GALNT13: variants seen among roughly 807,000 people sequenced by gnomAD.
GALNT13 encodes the protein UDP-GalNAc:polypeptide N-acetylgalactosaminyltransferase 13.
GALNT13 carries 28 observed loss-of-function variants against 64.2 expected under a neutral mutation model. That is an observed-to-expected ratio of 0.44 (90% confidence interval 0.32 to 0.60). GALNT13 has a LOEUF of 0.60. Ranked by LOEUF, GALNT13 falls within the 20% of genes least tolerant of loss-of-function variation. GALNT13 has a pLI of 0.05. For synonymous variants in GALNT13, 214 were observed against 224.6 expected (o/e 0.95, Z 0.42); for missense variants, 577 against 669.8 (o/e 0.86, Z 1.53).
chr2:153,120,262 C>T, the GALNT13 span, among the ~76,000 whole-genome samples: 2 of 152,210 alleles, frequency 1.3e-5, no homozygotes, highest in South Asian at 4.1e-4. Flanking sequence ...GGACCCCACC[C>T]AACTCTTCAC....
intron 8 of GALNT13, among the ~76,000 whole-genome samples, chr2:154,262,423 G>T (rs1690749592): frequency 6.6e-6 from 1 of 152,216 alleles, no homozygotes; most frequent in South Asian, 2.1e-4. Context: ...CCTCTTATAG[G>T]CTATAGCCTC....
the GALNT13 span, among the ~76,000 whole-genome samples, chr2:153,586,206 C>A: frequency 6.6e-6 from 1 of 152,222 alleles, no homozygotes; most frequent in South Asian, 2.1e-4. Flanking sequence ...CATCAATATT[C>A]ACCTTGAATA....
the GALNT13 span, among the ~76,000 whole-genome samples, chr2:153,364,690 A>G: frequency 6.6e-6 from 1 of 152,268 alleles, no homozygotes; most frequent in Admixed American, 6.5e-5. Flanking sequence ...GACATGAAGG[A>G]CCTCTTCAAA....
chr2:153,288,133 C>T, the GALNT13 span, among the ~76,000 whole-genome samples: 1 of 152,120 alleles, frequency 6.6e-6, no homozygotes. Context: ...TAGAATGGAT[C>T]CTAGAGATAG....
the GALNT13 span, among the ~76,000 whole-genome samples, chr2:153,149,863 C>T: frequency 6.6e-6 from 1 of 151,830 alleles, no homozygotes; most frequent in African/African-American, 2.4e-5. Context: ...AGAAAACATT[C>T]TCTCTAGCAG....
chr2:154,070,331 C>T (rs886144715), intron 3 of GALNT13, among the ~76,000 whole-genome samples: 1 of 152,036 alleles, frequency 6.6e-6, no homozygotes, highest in South Asian at 2.1e-4. Flanking sequence ...TCTATAGTTC[C>T]ACATATTATC....
the GALNT13 span, among the ~76,000 whole-genome samples, chr2:153,213,549 G>A: frequency 1.3e-5 from 2 of 152,170 alleles, no homozygotes; most frequent in African/African-American, 4.8e-5. Flanking sequence ...TATTACACCA[G>A]ATGCTGTAAG....
the GALNT13 span, among the ~76,000 whole-genome samples, chr2:153,333,683 G>A: frequency 0.13 from 19,832 of 152,064 alleles, 1,397 homozygotes; most frequent in Middle Eastern, 0.19. Flanking sequence ...TATCCATATT[G>A]GTTGCCAGAA....
At chr2:153,340,138 T>A in the GALNT13 span, among the ~76,000 whole-genome samples, 1 of 152,182 alleles carries the variant, frequency 6.6e-6, no homozygotes, top group African/African-American at 2.4e-5. Context: ...GTGAAAAAGG[T>A]CATTGCGATT....
At chr2:154,396,527 TGTAA>T (rs1345517603) in intron 10 of GALNT13, among the ~76,000 whole-genome samples, 4 of 152,202 alleles carry the variant, frequency 2.6e-5, no homozygotes, top group African/African-American at 9.6e-5. Flanking sequence ...TACATGTTAA[TGTAA>T]GTAACATATT....
chr2:153,122,502 T>C, the GALNT13 span, among the ~76,000 whole-genome samples: 2 of 152,232 alleles, frequency 1.3e-5, no homozygotes, highest in African/African-American at 2.4e-5. Context: ...TTTGATGTGC[T>C]AACCTTAATG....
At chr2:153,984,561 C>A (rs1694669773) in intron 3 of GALNT13, among the ~76,000 whole-genome samples, 1 of 151,122 alleles carries the variant, frequency 6.6e-6, no homozygotes, top group Non-Finnish European at 1.5e-5. Context: ...TGTGAGTTAT[C>A]CATTTGGTTA....
chr2:154,110,372 G>GAGAGAGAC (rs1702908874), intron 3 of GALNT13, among the ~76,000 whole-genome samples: 2 of 99,026 alleles, frequency 2.0e-5, no homozygotes, highest in Non-Finnish European at 3.9e-5. Context: ...GAGAGAGAGA[G>GAGAGAGAC]AGAGACAGAG....
intron 3 of GALNT13, among the ~76,000 whole-genome samples, chr2:154,013,364 G>A (rs984063702): frequency 1.3e-5 from 2 of 151,988 alleles, no homozygotes; most frequent in Non-Finnish European, 2.9e-5. Context: ...TGACCCTGAC[G>A]GCTAGAAGTG....
chr2:153,139,815 T>A, the GALNT13 span, among the ~76,000 whole-genome samples: 1 of 151,932 alleles, frequency 6.6e-6, no homozygotes, highest in Non-Finnish European at 1.5e-5. Context: ...GTTTTATGCG[T>A]GAAGGGAGTA....
the GALNT13 span, among the ~76,000 whole-genome samples, chr2:153,315,575 C>A: frequency 4.6e-5 from 7 of 152,128 alleles, no homozygotes; most frequent in South Asian, 1.5e-3. Context: ...GATAACTAGG[C>A]AAATTTATAA....
At chr2:153,072,955 G>T in the GALNT13 span, among the ~76,000 whole-genome samples, 1 of 152,122 alleles carries the variant, frequency 6.6e-6, no homozygotes, top group Non-Finnish European at 1.5e-5. Context: ...TTATGCGGTA[G>T]CATGTTTCAG....
At chr2:153,077,335 A>C in the GALNT13 span, among the ~76,000 whole-genome samples, 2 of 152,184 alleles carry the variant, frequency 1.3e-5, no homozygotes, top group East Asian at 3.8e-4. Context: ...TATATCTGTA[A>C]AAGAAAAATC....
chr2:153,140,526 G>A, the GALNT13 span, among the ~76,000 whole-genome samples: 1 of 152,080 alleles, frequency 6.6e-6, no homozygotes, highest in African/African-American at 2.4e-5. Flanking sequence ...GACTAACTCT[G>A]AGATTTGAAT....
Sources: allele counts gnomAD v4.1 joint callset (sites outside exome capture counted in the v4.1 genomes callset), GRCh38; gene constraint gnomAD v4.1.1; transcripts MANE v1.5; gene names NCBI Gene and HGNC (gene_info 2026-07-23, HGNC 2026-07-21).